CHD1: variants seen among roughly 807,000 people sequenced by gnomAD.
The protein encoded by CHD1 is ATP-dependent chromatin remodeler CHD1.
Under a neutral mutation model 224.2 loss-of-function variants are expected in CHD1, and 36 were observed. The observed-to-expected ratio is 0.16, with a 90% CI of 0.12 to 0.21. CHD1 has a LOEUF of 0.21. Among genes scored for constraint, CHD1 ranks in the 10% least tolerant of loss-of-function variants. CHD1 has a pLI of 1.00. For missense variants in CHD1, 1,378 were observed against 1,994.8 expected, an observed-to-expected ratio of 0.69 and a Z score of 5.89; for synonymous variants, 668 against 658.3, an observed-to-expected ratio of 1.01 and a Z score of -0.23.
At chr5:98,865,430 C>T (rs1748789191) in intron 31 of CHD1, among the ~76,000 whole-genome samples, 1 of 152,108 alleles carries the variant, frequency 6.6e-6, no homozygotes, top group Admixed American at 6.6e-5. Context: ...ACTCTGGTTG[C>T]TATGTGGAGT....
chr5:98,877,421 T>A (rs193035874), intron 23 of CHD1, among the ~76,000 whole-genome samples: 1 of 152,240 alleles, frequency 6.6e-6, no homozygotes, highest in Non-Finnish European at 1.5e-5. Context: ...GATGAACAGA[T>A]TGATTAGCTG....
intron 15 of CHD1, among the ~76,000 whole-genome samples, chr5:98,891,746 G>A (rs904042488): frequency 2.0e-5 from 3 of 152,180 alleles, no homozygotes; most frequent in African/African-American, 4.8e-5. Flanking sequence ...AGAAGGTGGA[G>A]GTTGCAGTGA....
At chr5:98,868,968 T>C (rs1580371484) in intron 30 of CHD1, 1 of 786,678 alleles carries the variant, frequency 1.3e-6, no homozygotes, top group Non-Finnish European at 1.5e-6. Context: ...AATGTAAATA[T>C]GCTGATTGTT....
chr5:98,911,155 A>C lies in CHD1; in HGVS notation c.54-6057T>G, dbSNP rs1178157445. ...GAAAAAAAAAAAAAAAAATATATAT[A>C]TATATATATATATATATATATAGAG... On this transcript the variant is annotated intron_variant, in intron 2 of 35. Transcript: ENST00000614616. 2.1e-3 allele frequency among the ~76,000 whole-genome samples: 265 copies of C among 127,200 alleles called. 3 individuals carry two copies. Among genetic ancestry groups the C allele is most frequent in the Middle Eastern group, 7.8e-3 (2 of 256 alleles). 83.4% of individuals were successfully genotyped at this position (127,200 alleles called of 152,430 possible). A position where few individuals can be genotyped will look rare whatever the true frequency, so the allele number is the denominator to read the frequency against.
At chr5:98,899,432 G>C in intron 8 of CHD1, 48 bp downstream of exon 8, 2 of 1,150,620 alleles carry the variant, frequency 1.7e-6, no homozygotes, top group Non-Finnish European at 2.6e-6. Flanking sequence ...TAAAGGTTTA[G>C]TAATCTTTGA....
intron 18 of CHD1, among the ~76,000 whole-genome samples, chr5:98,884,104 C>T (rs1320275008): frequency 6.8e-6 from 1 of 147,156 alleles, no homozygotes; most frequent in Non-Finnish European, 1.5e-5. Context: ...GACGGAGTCT[C>T]GCTCTGTCAC....
At chr5:98,861,629 G>A (rs1748473338) in intron 32 of CHD1, among the ~76,000 whole-genome samples, 1 of 150,850 alleles carries the variant, frequency 6.6e-6, no homozygotes, top group Non-Finnish European at 1.5e-5. Context: ...AGCCTCCTGA[G>A]TAGCTGGTTC....
In CHD1 at chr5:98,903,908, A is replaced by C. The variant is rs745989723; in HGVS notation, c.256T>G (p.Phe86Val). ...AKPPKVDGAE[F>V]WKSSPSILAV... The stretch of plus-strand genomic sequence containing the variant: ...AGAATACTAGGACTAGATTTCCAAA[A>C]CTATAATAGAAATATAAACCAGTGA... The change falls in exon 4 of 36, where the codon TTT becomes GTT. Residue 86 changes from phenylalanine (F) to valine (V), a missense_variant and splice_region_variant. Physicochemically the swap from Phe to Val is conservative, Grantham distance 50. Coordinates refer to ENST00000614616, the MANE Select transcript of CHD1 (RefSeq NM_001270.4). 1.1e-5 allele frequency: 17 copies of C among 1,567,210 alleles called. No individual in the cohort carries two copies. Among genetic ancestry groups the C allele is most frequent in the Middle Eastern group, 1.7e-4 (1 of 6,020 alleles).
chr5:98,884,078 G>GA (rs577751164), intron 18 of CHD1, among the ~76,000 whole-genome samples: 2 of 130,960 alleles, frequency 1.5e-5, no homozygotes, highest in African/African-American at 2.8e-5. Context: ...TTTGTTTTTT[G>GA]TTTTTTTTTT....
At position 98,896,228 on chromosome 5, in the gene CHD1, T is replaced by A. The variant is rs769210760; in HGVS notation, c.1708A>T (p.Met570Leu). Reference protein sequence around the residue: ...VYLGDINSRNMIRTHEWTHHQ... With the variant: ...VYLGDINSRNLIRTHEWTHHQ... Reference sequence around the variant, plus strand: ...ACATTTACAGGGAAACAACTTACCATGTTTCTGCTGTTAATGTCACCTAAA... The same window carrying A: ...ACATTTACAGGGAAACAACTTACCAAGTTTCTGCTGTTAATGTCACCTAAA... Residue 570 changes from methionine (M) to leucine (L), a missense_variant and splice_region_variant, in exon 12 of 36, where the codon ATG (methionine) becomes TTG (leucine). Coordinates refer to ENST00000614616, the MANE Select transcript of CHD1 (RefSeq NM_001270.4). The A allele has an allele frequency of 6.2e-7, 1 of 1,608,792 alleles. No homozygotes were observed. The highest frequency in any genetic ancestry group is 8.5e-7 in the Non-Finnish European group (1 of 1,175,144).
At chr5:98,899,149 CCA>C (rs1413510822) in intron 8 of CHD1, among the ~76,000 whole-genome samples, 1 of 152,020 alleles carries the variant, frequency 6.6e-6, no homozygotes, top group Non-Finnish European at 1.5e-5. Flanking sequence ...AAAATATAAC[CCA>C]CACACATCCT....
At chr5:98,865,957 A>G (rs867820469) in intron 31 of CHD1, among the ~76,000 whole-genome samples, 2 of 152,052 alleles carry the variant, frequency 1.3e-5, no homozygotes, top group Admixed American at 6.6e-5. Context: ...ATGTGGGGGG[A>G]AAAAAAGGTG....
intron 5 of CHD1, 54 bp downstream of exon 5, chr5:98,902,846 G>T: frequency 9.0e-7 from 1 of 1,117,290 alleles, no homozygotes. Flanking sequence ...AAAGAAATAT[G>T]AAATAATCAG....
At chr5:98,927,906 C>A (rs543632960) in intron 1 of CHD1, among the ~76,000 whole-genome samples, 1 of 152,196 alleles carries the variant, frequency 6.6e-6, no homozygotes, top group African/African-American at 2.4e-5. Flanking sequence ...TGTGTCCTCT[C>A]AAGCGTCTCC....
At position 98,925,481 on chromosome 5, in the gene CHD1, T is replaced by G. The variant is rs926926609; in HGVS notation, c.53+853A>C. 2.0e-5 allele frequency among the ~76,000 whole-genome samples: 3 copies of G among 152,312 alleles called. No homozygotes were observed. The East Asian group carries it at 5.8e-4, about 29-fold the overall frequency. On this transcript the variant is annotated intron_variant, in intron 2 of 35. Transcript: ENST00000614616. ...GCCTCAGAGATTAAGTAATTTGCCC[T>G]AATTCACACAACTAATAAGAGGTAG... is the stretch of plus-strand genomic sequence containing the variant.
intron 1 of CHD1, among the ~76,000 whole-genome samples, chr5:98,927,200 T>C (rs1753526537): frequency 6.6e-6 from 1 of 152,214 alleles, no homozygotes; most frequent in Admixed American, 6.5e-5. Context: ...ATACACTATA[T>C]CTGATTTTTT....
rs181314563 is a variant in CHD1 at position 98,910,301 on chromosome 5, A to C, written c.54-5203T>G. 9.2e-5 allele frequency among the ~76,000 whole-genome samples: 14 copies of C among 152,300 alleles called. No individual in the cohort carries two copies. In the East Asian group the frequency reaches 2.7e-3, roughly 29 times the overall value. ...GTTTCAAAATAATACCATTATCATA[A>C]ACAATATGATTATTAAAGTTAAGAT... On this transcript the variant is annotated intron_variant, in intron 2 of 35. Coordinates refer to ENST00000614616, the MANE Select transcript of CHD1 (RefSeq NM_001270.4).
intron 2 of CHD1, among the ~76,000 whole-genome samples, chr5:98,924,119 G>A (rs1166503389): frequency 6.6e-6 from 1 of 152,112 alleles, no homozygotes; most frequent in African/African-American, 2.4e-5. Context: ...AGCTGAGTGT[G>A]GTGGCATGCA....
At chr5:98,902,061 G>C (rs1751753280) in intron 5 of CHD1, among the ~76,000 whole-genome samples, 1 of 151,968 alleles carries the variant, frequency 6.6e-6, no homozygotes, top group Non-Finnish European at 1.5e-5. Context: ...TAAAAACATA[G>C]TAGAAGCAAA....
Sources: gnomAD v4.1 joint callset for allele counts (sites outside exome capture counted in the v4.1 genomes callset) on GRCh38, gnomAD v4.1.1 for gene constraint, MANE v1.5 for transcripts, NCBI Gene and HGNC (gene_info 2026-07-23, HGNC 2026-07-21) for gene names.